Variants in CNIH3 observed in about 807,000 individuals in gnomAD.
CNIH3 encodes protein cornichon homolog 3.
Under a neutral mutation model 24.1 loss-of-function variants are expected in CNIH3, and 14 were observed. The observed-to-expected ratio is 0.58, with a 90% CI of 0.38 to 0.91. The LOEUF (loss-of-function observed/expected upper bound fraction) is 0.91. Among genes scored for constraint, CNIH3 ranks in the 40% least tolerant of loss-of-function variants. The probability of loss-of-function intolerance (pLI) is 0.00; values close to 1 mark genes in which losing one functional copy is unlikely to be tolerated. For missense variants in CNIH3, 178 were observed against 196.8 expected (o/e 0.90, Z 0.57); for synonymous variants, 68 against 73.8 (o/e 0.92, Z 0.40).
rs1677903040 is a variant in CNIH3, at chr1:224,506,253, A to G, written n.204-9488A>G. On this transcript the variant is annotated intron_variant and non_coding_transcript_variant, in intron 1 of 5. Coordinates refer to the CNIH3 transcript ENST00000471578. ...CTGGGGCCACATTCCCATTCCTTAC[A>G]CTCATATGCACGCACACGCGCGCGC... Among the ~76,000 whole-genome samples, 4 of 148,010 alleles carry G rather than the reference A, an allele frequency of 2.7e-5. No individual in the cohort carries two copies. The South Asian group carries it at 6.6e-4, about 24-fold the overall frequency.
chr1:224,631,550 C>T (rs181314187), intron 1 of CNIH3, among the ~76,000 whole-genome samples: 1 of 152,032 alleles, frequency 6.6e-6, no homozygotes, highest in Non-Finnish European at 1.5e-5. Context: ...TTCTCTTTTG[C>T]CCTCCTTTTA....
intron 1 of CNIH3, among the ~76,000 whole-genome samples, chr1:224,641,993 TCCAAAATTCAGA>T (rs1212899943): frequency 1.3e-5 from 2 of 152,200 alleles, no homozygotes; most frequent in Non-Finnish European, 2.9e-5. Context: ...AGAAAACATC[TCCAAAATTCAGA>T]CTGTAATTCC....
intron 4 of CNIH3, among the ~76,000 whole-genome samples, chr1:224,568,239 G>A (rs144764251): frequency 2.1e-3 from 322 of 152,076 alleles, no homozygotes; most frequent in Middle Eastern, 0.01. Context: ...GCAGTGAGCC[G>A]AGATCACGTC....
exon 2 of CNIH3, chr1:224,521,287 C>T (rs1278632561): frequency 6.6e-6 from 1 of 152,142 alleles, no homozygotes. Flanking sequence ...GACATATTGC[C>T]AAGCAAGCGA....
rs192416356 is a variant in CNIH3, at chr1:224,556,669, G to A, written n.451-9530G>A. 4.7e-3 allele frequency among the ~76,000 whole-genome samples: 721 copies of A among 152,290 alleles called. 6 individuals carry two copies. Among genetic ancestry groups the A allele is most frequent in the Middle Eastern group, 0.027 (8 of 294 alleles). On this transcript the variant is annotated intron_variant and non_coding_transcript_variant, in intron 3 of 5. Coordinates refer to the CNIH3 transcript ENST00000471578. ...CAGATCCCTTGCATGCGCAGTTCAC[G>A]AAAGGATTCACGCTCCTGTGAGTAT...
At position 224,687,482 on chromosome 1, in the gene CNIH3, C is replaced by G. The variant is rs61625041; in HGVS notation, c.198+2639C>G. Among the ~76,000 whole-genome samples, 421 of 152,316 alleles carry G rather than the reference C, an allele frequency of 2.8e-3. 7 individuals are homozygous for G. The East Asian group carries it at 0.029, about 10-fold the overall frequency. ...TCCTGGCTTCAAGTGATGCTCCCAA[C>G]TTGGCCTCTCAAAATGCTGGAATTA... is the stretch of plus-strand genomic sequence containing the variant. On this transcript the variant is annotated intron_variant, in intron 3 of 5. Coordinates refer to ENST00000272133, the MANE Select transcript of CNIH3 (RefSeq NM_152495.2).
At chr1:224,575,301 A>G in intron 4 of CNIH3, 1 of 1,043,384 alleles carries the variant, frequency 9.6e-7, no homozygotes, top group Non-Finnish European at 1.5e-6. Context: ...GGATATGACC[A>G]CCTTATTCAG....
intron 1 of CNIH3, among the ~76,000 whole-genome samples, chr1:224,475,556 A>G (rs185995740): frequency 1.5e-3 from 233 of 152,300 alleles, no homozygotes; most frequent in African/African-American, 5.5e-3. Context: ...AAACCTGAAC[A>G]GGCAAATAAC....
chr1:224,722,818 C>T (rs910770835), intron 3 of CNIH3, among the ~76,000 whole-genome samples: 3 of 152,210 alleles, frequency 2.0e-5, no homozygotes, highest in Admixed American at 6.5e-5. Flanking sequence ...GAGCAGGGCA[C>T]TAGGCCCAGT....
At chr1:224,562,623 T>C (rs1344402202) in intron 3 of CNIH3, among the ~76,000 whole-genome samples, 1 of 152,106 alleles carries the variant, frequency 6.6e-6, no homozygotes, top group Non-Finnish European at 1.5e-5. Flanking sequence ...TTGGATCAGG[T>C]GGGCAGATCC....
At chr1:224,538,297 G>A (rs1005857885), downstream of CNIH3, among the ~76,000 whole-genome samples, 5 of 152,088 alleles carry the variant, frequency 3.3e-5, no homozygotes, top group African/African-American at 1.2e-4. Context: ...GCTTTACCAA[G>A]TTCTAGATTC....
At chr1:224,584,415 A>G (rs999138909) in intron 5 of CNIH3, among the ~76,000 whole-genome samples, 1 of 152,212 alleles carries the variant, frequency 6.6e-6, no homozygotes, top group African/African-American at 2.4e-5. Context: ...GACAAACAGG[A>G]TTTAAGTTTT....
chr1:224,507,671 A>C (rs911113013), intron 1 of CNIH3, among the ~76,000 whole-genome samples: 1 of 152,190 alleles, frequency 6.6e-6, no homozygotes, highest in African/African-American at 2.4e-5. Flanking sequence ...GGGTGTCTGC[A>C]AGCAAGGGGT....
At chr1:224,732,160 T>C (rs911574134) in intron 4 of CNIH3, among the ~76,000 whole-genome samples, 1 of 151,356 alleles carries the variant, frequency 6.6e-6, no homozygotes, top group African/African-American at 2.4e-5. Flanking sequence ...GGTGGAGAGG[T>C]GAGAGAGCCT....
chr1:224,675,872 A>G (rs1352350710), intron 1 of CNIH3, among the ~76,000 whole-genome samples: 1 of 152,260 alleles, frequency 6.6e-6, no homozygotes, highest in Non-Finnish European at 1.5e-5. Flanking sequence ...GTGTGGAGTC[A>G]TGGGAACACT....
chr1:224,629,787 C>T (rs982201029), intron 1 of CNIH3, among the ~76,000 whole-genome samples: 7 of 152,140 alleles, frequency 4.6e-5, no homozygotes, highest in Admixed American at 4.6e-4. Context: ...ACCCTCTGGC[C>T]CCTGATGGTT....
intron 5 of CNIH3, among the ~76,000 whole-genome samples, chr1:224,584,641 T>C (rs980819470): frequency 6.6e-6 from 1 of 152,250 alleles, no homozygotes; most frequent in African/African-American, 2.4e-5. Flanking sequence ...AATGCATTTA[T>C]CATTTGATAT....
intron 2 of CNIH3, among the ~76,000 whole-genome samples, chr1:224,681,547 G>C (rs1206951162): frequency 6.6e-6 from 1 of 152,206 alleles, no homozygotes; most frequent in Non-Finnish European, 1.5e-5. Flanking sequence ...GGTGCAGTCT[G>C]ATTGTCCTGG....
At chr1:224,665,975 G>A (rs1235524449) in intron 1 of CNIH3, among the ~76,000 whole-genome samples, 3 of 152,132 alleles carry the variant, frequency 2.0e-5, no homozygotes, top group Non-Finnish European at 4.4e-5. Flanking sequence ...CCACCCTCTG[G>A]TTTTGATTTA....
Sources: allele counts gnomAD v4.1 joint callset (sites outside exome capture counted in the v4.1 genomes callset), GRCh38; gene constraint gnomAD v4.1.1; transcripts MANE v1.5; gene names NCBI Gene and HGNC (gene_info 2026-07-23, HGNC 2026-07-21).